Variants in GLDN observed in about 807,000 individuals in gnomAD.
GLDN encodes collomin.
A neutral mutation model predicts 56.5 loss-of-function variants in GLDN; 47 were observed. The ratio of observed to expected loss-of-function variants is 0.83; its 90% CI spans 0.66 to 1.06. The LOEUF (loss-of-function observed/expected upper bound fraction) is 1.06, where lower values mean the gene tolerates loss of function less well. GLDN is among the 50% of genes least tolerant of loss of function. The probability of loss-of-function intolerance (pLI) is 0.00; values close to 1 mark genes in which losing one functional copy is unlikely to be tolerated. For synonymous variants in GLDN, 332 were observed against 278.8 expected, an observed-to-expected ratio of 1.19 and a Z score of -1.90; for missense variants, 782 against 714.3, an observed-to-expected ratio of 1.09 and a Z score of -1.08.
At chr15:51,408,198 G>T (rs1466609482), downstream of GLDN, among the ~76,000 whole-genome samples, 1 of 152,182 alleles carries the variant, frequency 6.6e-6, no homozygotes, top group East Asian at 1.9e-4. Context: ...AAGAAAACAT[G>T]AGCGATGGAA....
intron 2 of GLDN, 70 bp from the exon 3 acceptor site, chr15:51,383,366 A>G (rs1279231804): frequency 1.3e-6 from 2 of 1,513,296 alleles, no homozygotes; most frequent in African/African-American, 2.8e-5. Context: ...AGGAGATTTG[A>G]AGGTCGGGGG....
chr15:51,380,005 A>G (rs2037721906), intron 2 of GLDN, among the ~76,000 whole-genome samples: 1 of 152,154 alleles, frequency 6.6e-6, no homozygotes, highest in Non-Finnish European at 1.5e-5. Context: ...CACGCAGGGC[A>G]CCACTCAGCC....
At chr15:51,402,694 C>T (rs925503866) in intron 9 of GLDN, among the ~76,000 whole-genome samples, 1 of 152,162 alleles carries the variant, frequency 6.6e-6, no homozygotes, top group African/African-American at 2.4e-5. Context: ...TAGTGAGGTC[C>T]AGCTTTAACA....
intron 1 of GLDN, among the ~76,000 whole-genome samples, chr15:51,349,668 T>C (rs1235002382): frequency 1.3e-5 from 2 of 152,206 alleles, no homozygotes; most frequent in African/African-American, 4.8e-5. Flanking sequence ...AAATAGTTTT[T>C]GTCTCGTTCT....
intron 1 of GLDN, among the ~76,000 whole-genome samples, chr15:51,365,067 A>G (rs923752121): frequency 6.6e-6 from 1 of 152,254 alleles, no homozygotes; most frequent in Admixed American, 6.5e-5. Context: ...AAATTGGAGA[A>G]TCAGCAGCCT....
At chr15:51,410,854 G>T (rs1043648731), downstream of GLDN, among the ~76,000 whole-genome samples, 10 of 152,168 alleles carry the variant, frequency 6.6e-5, no homozygotes, top group African/African-American at 2.2e-4. Flanking sequence ...TCCTAACCAG[G>T]TATGATCCCA....
chr15:51,392,930 A>G (rs571792488), intron 4 of GLDN, among the ~76,000 whole-genome samples: 6 of 152,224 alleles, frequency 3.9e-5, no homozygotes, highest in South Asian at 4.1e-4. Context: ...TCCTTGCATT[A>G]TTGCACTGGC....
At chr15:51,396,498 T>C (rs563623115) in intron 5 of GLDN, among the ~76,000 whole-genome samples, 1 of 152,284 alleles carries the variant, frequency 6.6e-6, no homozygotes, top group South Asian at 2.1e-4. Flanking sequence ...CTGACTCTCA[T>C]GGAGGAGCAG....
At chr15:51,400,569 C>T (rs2038229493) in intron 8 of GLDN, 71 bp downstream of exon 8, 12 of 1,500,344 alleles carry the variant, frequency 8.0e-6, no homozygotes, top group East Asian at 4.5e-5. Context: ...TACCTTTGGG[C>T]GTATTCCATT....
chr15:51,359,869 C>T (rs113745957), intron 1 of GLDN, among the ~76,000 whole-genome samples: 8,404 of 150,610 alleles, frequency 0.056, 743 homozygotes, highest in African/African-American at 0.2. Context: ...GTCCCAGCTG[C>T]TTGGGAGGCT....
chr15:51,402,234 C>A (rs951760714), intron 9 of GLDN, among the ~76,000 whole-genome samples: 8 of 152,368 alleles, frequency 5.3e-5, no homozygotes, highest in African/African-American at 1.9e-4. Flanking sequence ...TCCTCCCAGG[C>A]CGCCCTCTGC....
chr15:51,366,562 G>C (rs970740855), intron 1 of GLDN, among the ~76,000 whole-genome samples: 4 of 152,238 alleles, frequency 2.6e-5, no homozygotes, highest in Non-Finnish European at 5.9e-5. Flanking sequence ...ATTACATTTT[G>C]AATTCAGTTG....
chr15:51,384,094 C>T (rs985254100), intron 4 of GLDN: 3 of 620,456 alleles, frequency 4.8e-6, no homozygotes, highest in Non-Finnish European at 8.7e-6. Flanking sequence ...ATGTTTATTT[C>T]AAACTGGAGA....
chr15:51,359,209 T>A (rs1427106384), intron 1 of GLDN, among the ~76,000 whole-genome samples: 1 of 152,208 alleles, frequency 6.6e-6, no homozygotes, highest in Admixed American at 6.5e-5. Flanking sequence ...TGTCCCTTTT[T>A]CCCTCTCAGA....
chr15:51,379,829 G>C (rs1211328745), intron 2 of GLDN, among the ~76,000 whole-genome samples: 1 of 152,196 alleles, frequency 6.6e-6, no homozygotes, highest in African/African-American at 2.4e-5. Context: ...AGGGTTTCTT[G>C]TCCAAAAGAA....
Position 51,394,935 on chromosome 15 carries a change from A to G in GLDN, c.642A>G (p.Gly214=), listed in dbSNP as rs1192240451. 6.2e-7 allele frequency: 1 copy of G among 1,611,476 alleles called. No homozygotes were observed. Among genetic ancestry groups the G allele is most frequent in the Non-Finnish European group, 8.5e-7 (1 of 1,178,992 alleles). ...ATGAGGGCCCACCAGGGCAGAAGGG[A>G]GAAAAGGGTGACAAAGGAGATGTGT... ...QGNEGPPGQK[G]EKGDKGDVSN... The change falls in exon 5 of 10, where the codon GGA becomes GGG. Residue 214 remains glycine, a synonymous_variant. Transcript: ENST00000335449.
chr15:51,381,830 T>C (rs989957605), intron 2 of GLDN, among the ~76,000 whole-genome samples: 4 of 151,844 alleles, frequency 2.6e-5, no homozygotes, highest in Non-Finnish European at 5.9e-5. Context: ...TGTCACTGTC[T>C]CTCTCGTCTT....
At chr15:51,386,629 G>A (rs946337506) in intron 4 of GLDN, among the ~76,000 whole-genome samples, 2 of 152,218 alleles carry the variant, frequency 1.3e-5, no homozygotes, top group Non-Finnish European at 2.9e-5. Context: ...CATGGAGAGC[G>A]CACTGGAACC....
rs2038409894 is a variant in GLDN at position 51,407,512 on chromosome 15, G to T, written c.*2758G>T. ...AATCTAAAGTAGATAGCTTCCCACT[G>T]GAAAGTAAACAAAACCATCCCTCCC... On this transcript the variant is annotated 3_prime_UTR_variant, in exon 10 of 10. Transcript: ENST00000335449. 1 of 152,096 alleles carries T rather than the reference G, an allele frequency of 6.6e-6. No individual in the cohort carries two copies. Among genetic ancestry groups the T allele is most frequent in the Admixed American group, 6.5e-5 (1 of 15,274 alleles). 9.4% of individuals were successfully genotyped at this position (152,096 alleles called of 1,614,324 possible). A position where few individuals can be genotyped will look rare whatever the true frequency, so the allele number is the denominator to read the frequency against.
Sources: gnomAD v4.1 joint callset for allele counts (sites outside exome capture counted in the v4.1 genomes callset) on GRCh38, gnomAD v4.1.1 for gene constraint, MANE v1.5 for transcripts, NCBI Gene and HGNC (gene_info 2026-07-23, HGNC 2026-07-21) for gene names.